Variants in CLUAP1 observed in about 807,000 individuals in gnomAD.
CLUAP1 encodes the protein intraflagellar transport 38.
Under a neutral mutation model 55.0 loss-of-function variants are expected in CLUAP1, and 50 were observed. The ratio of observed to expected loss-of-function variants is 0.91; its 90% CI spans 0.72 to 1.15. The LOEUF is 1.15. Among genes scored for constraint, CLUAP1 ranks in the 50% most tolerant of loss-of-function variants. CLUAP1 has a pLI of 0.00. For missense variants in CLUAP1, 530 were observed against 507.6 expected (o/e 1.04, Z -0.42); for synonymous variants, 195 against 175.4 (o/e 1.11, Z -0.88).
chr16:3,512,845 T>C (rs2037657554), intron 5 of CLUAP1, among the ~76,000 whole-genome samples: 1 of 152,062 alleles, frequency 6.6e-6, no homozygotes, highest in Non-Finnish European at 1.5e-5. Flanking sequence ...CACACCCGGC[T>C]AATTTTTTGT....
intron 4 of CLUAP1, among the ~76,000 whole-genome samples, chr16:3,508,993 A>G (rs2037564221): frequency 6.6e-6 from 1 of 151,270 alleles, no homozygotes; most frequent in South Asian, 2.1e-4. Flanking sequence ...GCAGTGACTC[A>G]CTCCTGTAAG....
At chr16:3,506,661 C>G (rs1019104356) in intron 3 of CLUAP1, among the ~76,000 whole-genome samples, 1 of 151,992 alleles carries the variant, frequency 6.6e-6, no homozygotes, top group Non-Finnish European at 1.5e-5. Context: ...CGCCACCACA[C>G]CTGGCTAATT....
upstream of CLUAP1, chr16:3,500,886 C>A: frequency 1.5e-6 from 1 of 655,064 alleles, no homozygotes; most frequent in Non-Finnish European, 2.6e-6. Flanking sequence ...GGAGCGCTCT[C>A]TGCCGGCCCG....
chr16:3,529,657 ATATTATATATTATTATATATTATATAT>A lies in CLUAP1; in HGVS notation c.929-897_929-871del, dbSNP rs1328005996. ...ATTATTATATATTATATATTATTAT[ATATTATATATTATTATATATTATATAT>A]TATTATATATTATATATTATATATT... On this transcript the variant is annotated intron_variant, in intron 9 of 11. Transcript: ENST00000576634. Among the ~76,000 whole-genome samples, 74 of 18,190 alleles carry A rather than the reference ATATTATATATTATTATATATTATATAT, an allele frequency of 4.1e-3. 7 individuals carry two copies. Among genetic ancestry groups the A allele is most frequent in the East Asian group, 0.022 (4 of 186 alleles). The allele number at this position is 18,190 out of a possible 152,430, so 11.9% of individuals were successfully genotyped here.
intron 9 of CLUAP1, among the ~76,000 whole-genome samples, chr16:3,529,548 ATATTATATAT>A (rs1326320270): frequency 1.9e-5 from 1 of 53,712 alleles, no homozygotes; most frequent in Non-Finnish European, 3.1e-5. Context: ...ATATTATTAT[ATATTATATAT>A]TATTATATAT....
chr16:3,526,698 A>T (rs983214187), intron 9 of CLUAP1, among the ~76,000 whole-genome samples: 2 of 152,144 alleles, frequency 1.3e-5, no homozygotes, highest in Admixed American at 6.6e-5. Flanking sequence ...AAATATTTTC[A>T]AAAGGCGGTT....
intron 1 of CLUAP1, among the ~76,000 whole-genome samples, chr16:3,502,916 T>G (rs114465672): frequency 0.01 from 1,591 of 152,326 alleles, 23 homozygotes; most frequent in African/African-American, 0.036. Context: ...TAACAGAACT[T>G]GACTAGTACC....
At chr16:3,496,345 GC>G, upstream of CLUAP1, 1 of 1,195,466 alleles carries the variant, frequency 8.4e-7, no homozygotes, top group Admixed American at 1.8e-5. Flanking sequence ...ACCAGGTTGT[GC>G]TGAAGAGGTT....
At chr16:3,509,164 G>T (rs1050144744) in intron 4 of CLUAP1, among the ~76,000 whole-genome samples, 2 of 152,152 alleles carry the variant, frequency 1.3e-5, no homozygotes, top group African/African-American at 4.8e-5. Flanking sequence ...GGAGGCTGAG[G>T]TGGGAAGATC....
At chr16:3,500,072 C>A (rs573626167), upstream of CLUAP1, among the ~76,000 whole-genome samples, 2 of 152,268 alleles carry the variant, frequency 1.3e-5, no homozygotes, top group Non-Finnish European at 2.9e-5. Context: ...AACCCGGCTG[C>A]TGTGCCACGC....
rs1331362319 is a variant in CLUAP1, at chr16:3,536,415, A to C, written c.*144A>C. 1.3e-6 allele frequency: 1 copy of C among 776,766 alleles called. No individual in the cohort carries two copies. The allele number at this position is 776,766 out of a possible 1,614,324, so 48.1% of individuals were successfully genotyped here. A position where few individuals can be genotyped will look rare whatever the true frequency, so the allele number is the denominator to read the frequency against. On this transcript the variant is annotated 3_prime_UTR_variant, in exon 12 of 12. Transcript: ENST00000576634. Reference sequence around the variant, plus strand: ...CTGAAGCAATACTTATTTCTGCTTTAGCCTCCTATGTTTGCATTCCATGAA... The same window carrying C: ...CTGAAGCAATACTTATTTCTGCTTTCGCCTCCTATGTTTGCATTCCATGAA...
intron 8 of CLUAP1, among the ~76,000 whole-genome samples, chr16:3,525,569 C>G (rs1270143466): frequency 6.6e-6 from 1 of 151,958 alleles, no homozygotes; most frequent in East Asian, 1.9e-4. Context: ...TTGTCTCTTT[C>G]TCTTTCTCAA....
At chr16:3,512,130 G>A (rs2037638992) in intron 4 of CLUAP1, among the ~76,000 whole-genome samples, 1 of 149,762 alleles carries the variant, frequency 6.7e-6, no homozygotes, top group Non-Finnish European at 1.5e-5. Context: ...AGATTGCGGT[G>A]AGCCGAGATC....
At chr16:3,529,733 AT>A (rs1278249254) in intron 9 of CLUAP1, among the ~76,000 whole-genome samples, 2 of 28,592 alleles carry the variant, frequency 7.0e-5, no homozygotes, top group Non-Finnish European at 1.1e-4. Context: ...TATTATATAT[AT>A]TATTATATAT....
upstream of CLUAP1, among the ~76,000 whole-genome samples, chr16:3,500,544 A>G (rs985273435): frequency 1.3e-4 from 20 of 151,654 alleles, no homozygotes; most frequent in African/African-American, 4.8e-4. Flanking sequence ...AAATTTTTGT[A>G]TTTTTTGGTA....
chr16:3,518,589 T>A (rs1056766732), intron 6 of CLUAP1, among the ~76,000 whole-genome samples: 1 of 152,222 alleles, frequency 6.6e-6, no homozygotes, highest in Non-Finnish European at 1.5e-5. Flanking sequence ...TGACTTTGGT[T>A]CGAGGAAACA....
chr16:3,523,215 C>T lies in CLUAP1; in HGVS notation c.771C>T (p.Asp257=), dbSNP rs752823842. 10 of 1,613,728 alleles carry T rather than the reference C, an allele frequency of 6.2e-6. No individual in the cohort carries two copies. The highest frequency in any genetic ancestry group is 1.7e-4 in the Middle Eastern group (1 of 6,058). Residue 257 remains aspartate, a synonymous_variant, in exon 8 of 12, where the codon GAC becomes GAT. Transcript: ENST00000576634. ...KTEEELQKQY[D]TYLEKFQNLT... ...AGGAAGAATTACAAAAGCAGTATGA[C>T]ACTTATCTGGAGAAATTTCAAAATC...
In CLUAP1 at chr16:3,535,858, T is replaced by C. The variant is rs1267123568; in HGVS notation, c.1093-264T>C. On this transcript the variant is annotated intron_variant, in intron 11 of 11. Transcript: ENST00000576634. ...CCTCAGCGCAGATGCAGAGTGCTTC[T>C]TAGACGCTGCGGGAAAGCCAGCCCC... 4 of 463,232 alleles carry C rather than the reference T, an allele frequency of 8.6e-6. No individual in the cohort carries two copies. In the East Asian group the frequency reaches 1.6e-4, roughly 18 times the overall value. The allele number at this position is 463,232 out of a possible 1,614,324, so 28.7% of individuals were successfully genotyped here. A position where few individuals can be genotyped will look rare whatever the true frequency, so the allele number is the denominator to read the frequency against.
rs565624391 is a variant in CLUAP1, at chr16:3,503,533, G to A, written c.23-1187G>A. Reference sequence around the variant, plus strand: ...GCTGGTCTTGAACTCCTGACCTCAGGTGATCTACCCTCCTCGGCTCCCAAA... The same window carrying A: ...GCTGGTCTTGAACTCCTGACCTCAGATGATCTACCCTCCTCGGCTCCCAAA... On this transcript the variant is annotated intron_variant, in intron 1 of 11. Transcript: ENST00000576634. Among the ~76,000 whole-genome samples the A allele has an allele frequency of 4.2e-3, 633 of 152,144 alleles. 4 individuals are homozygous for A. Among genetic ancestry groups the A allele is most frequent in the African/African-American group, 0.014 (599 of 41,508 alleles).
Sources: gnomAD v4.1 joint callset for allele counts (sites outside exome capture counted in the v4.1 genomes callset) on GRCh38, gnomAD v4.1.1 for gene constraint, MANE v1.5 for transcripts, NCBI Gene and HGNC (gene_info 2026-07-23, HGNC 2026-07-21) for gene names.